The following TNFAIP1 variants were observed in gnomAD, a reference collection of about 807,000 sequenced individuals.
TNFAIP1 encodes BTB/POZ domain-containing adapter for CUL3-mediated RhoA degradation protein 2.
TNFAIP1 carries 20 observed loss-of-function variants against 32.6 expected under a neutral mutation model. The ratio of observed to expected loss-of-function variants is 0.61; its 90% CI spans 0.43 to 0.89. The LOEUF is 0.89. Ranked by LOEUF, TNFAIP1 falls within the 40% of genes least tolerant of loss-of-function variation. TNFAIP1 has a pLI of 0.00. For missense variants in TNFAIP1, 319 were observed against 425.1 expected, an observed-to-expected ratio of 0.75 and a Z score of 2.20; for synonymous variants, 166 against 166.8, an observed-to-expected ratio of 1.00 and a Z score of 0.04.
intron 2 of TNFAIP1, among the ~76,000 whole-genome samples, 198 bp downstream of exon 2, chr17:28,339,924 T>C (rs766533749): frequency 1.3e-5 from 2 of 152,232 alleles, no homozygotes; most frequent in Non-Finnish European, 2.9e-5. Flanking sequence ...AGAAGAGCCA[T>C]ACTTTTAAAA....
At position 28,340,240 on chromosome 17, in the gene TNFAIP1, A is replaced by G; in HGVS notation, c.206-69A>G. On this transcript the variant is annotated intron_variant, in intron 2 of 6. Coordinates refer to ENST00000226225, the MANE Select transcript of TNFAIP1 (RefSeq NM_021137.5). The surrounding 1 kb of genome is among the most constrained non-coding windows in gnomAD (Gnocchi z 4.1). ...CCCTGCCACCTGCCGCCAGCTTGTC[A>G]GGTGGCCTTTGCCTGCCTCGGAGGT... 6.5e-7 allele frequency: 1 copy of G among 1,546,686 alleles called. No homozygotes were observed. The highest frequency in any genetic ancestry group is 8.9e-7 in the Non-Finnish European group (1 of 1,129,124).
intron 1 of TNFAIP1, among the ~76,000 whole-genome samples, chr17:28,337,692 C>T (rs559920557): frequency 2.0e-5 from 3 of 152,306 alleles, no homozygotes; most frequent in South Asian, 2.1e-4. Context: ...CTAACAGGAA[C>T]TTTGCACTTA....
At chr17:28,338,873 C>G (rs1397154427) in intron 1 of TNFAIP1, among the ~76,000 whole-genome samples, 1 of 151,882 alleles carries the variant, frequency 6.6e-6, no homozygotes, top group Non-Finnish European at 1.5e-5. Flanking sequence ...CTCAGGGAGG[C>G]TGATGAGGTG....
chr17:28,336,889 A>G (rs2142380362), intron 1 of TNFAIP1, among the ~76,000 whole-genome samples: 1 of 152,364 alleles, frequency 6.6e-6, no homozygotes, highest in East Asian at 1.9e-4. Flanking sequence ...ATTTCAGTCT[A>G]ACAAACTGAC....
chr17:28,337,607 A>T (rs147915207), intron 1 of TNFAIP1, among the ~76,000 whole-genome samples: 1 of 152,070 alleles, frequency 6.6e-6, no homozygotes, highest in Non-Finnish European at 1.5e-5. Flanking sequence ...GGCTCAAGCA[A>T]TCCACCCACT....
intron 1 of TNFAIP1, among the ~76,000 whole-genome samples, chr17:28,338,552 C>T (rs1907250709): frequency 6.6e-6 from 1 of 151,876 alleles, no homozygotes. Context: ...TGCATTCTCT[C>T]CTGAAGCTGC....
At position 28,339,405 on chromosome 17, in the gene TNFAIP1, C is replaced by T. The variant is rs1907281278; in HGVS notation, c.-114-3C>T. ...TGTCTTCTCTTCCCTCTCCCATGTACAGCACTGAGATTATGAGGCTCTGGC... is the reference window on the plus strand; with the variant it reads ...TGTCTTCTCTTCCCTCTCCCATGTATAGCACTGAGATTATGAGGCTCTGGC... On this transcript the variant is annotated splice_polypyrimidine_tract_variant and splice_region_variant and intron_variant, in intron 1 of 6. Coordinates refer to ENST00000226225, the MANE Select transcript of TNFAIP1 (RefSeq NM_021137.5). The T allele has an allele frequency of 3.9e-6, 4 of 1,014,888 alleles. No homozygotes were observed. Among genetic ancestry groups the T allele is most frequent in the South Asian group, 1.8e-5 (1 of 57,086 alleles). The allele number at this position is 1,014,888 out of a possible 1,614,324, so 62.9% of individuals were successfully genotyped here.
intron 1 of TNFAIP1, 81 bp from the exon 2 acceptor site, chr17:28,339,327 A>G: frequency 2.2e-6 from 1 of 464,812 alleles, no homozygotes; most frequent in Non-Finnish European, 3.7e-6. Context: ...GGAGAGAATG[A>G]GTACGGTCGT....
Position 28,339,484 on chromosome 17 carries a change from C to T in TNFAIP1, c.-38C>T. 6.5e-7 allele frequency: 1 copy of T among 1,549,072 alleles called. No individual in the cohort carries two copies. The highest frequency in any genetic ancestry group is 8.7e-7 in the Non-Finnish European group (1 of 1,148,218). Reference sequence around the variant, plus strand: ...TCCACCACGGCGGAGCCTTCCAAGCCTACCTCCTGCCGTGTGGTGATCTAC... The same window carrying T: ...TCCACCACGGCGGAGCCTTCCAAGCTTACCTCCTGCCGTGTGGTGATCTAC... On this transcript the variant is annotated 5_prime_UTR_variant, in exon 2 of 7. Transcript: ENST00000226225.
At position 28,342,123 on chromosome 17, in the gene TNFAIP1, A is replaced by C; in HGVS notation, c.519-124A>C. 1 of 863,190 alleles carries C rather than the reference A, an allele frequency of 1.2e-6. No individual in the cohort carries two copies. The highest frequency in any genetic ancestry group is 2.8e-5 in the Admixed American group (1 of 36,018). The allele number at this position is 863,190 out of a possible 1,614,324, so 53.5% of individuals were successfully genotyped here. The stretch of plus-strand genomic sequence containing the variant: ...ATCCTTTCTCTCCTGGCCCCCTGGC[A>C]TCTTGCTTTCATTTCGGCAGGACAG... On this transcript the variant is annotated intron_variant, in intron 5 of 6. Transcript: ENST00000226225. This position sits in a 1 kb window ranked among gnomAD's most constrained non-coding sequence, Gnocchi z 4.0.
chr17:28,339,727 G>A lies in TNFAIP1; in HGVS notation c.205+1G>A. On this transcript the variant is annotated splice_donor_variant, in intron 2 of 6. Coordinates refer to ENST00000226225, the MANE Select transcript of TNFAIP1 (RefSeq NM_021137.5). LOFTEE classifies it high-confidence loss of function. ...ATGGAGGTGCTGACCGACAAAGAAG[G>A]TGAGGCACTGGGGCTGCCGCTCGGG... The A allele has an allele frequency of 6.2e-7, 1 of 1,613,336 alleles. No homozygotes were observed. Among genetic ancestry groups the A allele is most frequent in the Non-Finnish European group, 8.5e-7 (1 of 1,179,744 alleles).
chr17:28,341,105 G>C (rs1597794289), intron 3 of TNFAIP1, 132 bp from the exon 4 acceptor site: 1 of 899,924 alleles, frequency 1.1e-6, no homozygotes, highest in East Asian at 2.5e-5. Context: ...ATTGTCAGGG[G>C]CCTCATGATC....
chr17:28,344,622 GC>G lies in TNFAIP1; in HGVS notation c.*23del. 1 of 1,606,692 alleles carries G rather than the reference GC, an allele frequency of 6.2e-7. No individual in the cohort carries two copies. Among genetic ancestry groups the G allele is most frequent in the South Asian group, 1.1e-5 (1 of 91,028 alleles). ...CTGACCAGACCCTCAGGGAGTCAGGGCACGGGAGGCCCTATCTCCCATCCTG... is the reference window on the plus strand; with the variant it reads ...CTGACCAGACCCTCAGGGAGTCAGGGACGGGAGGCCCTATCTCCCATCCTG... On this transcript the variant is annotated 3_prime_UTR_variant, in exon 7 of 7. Transcript: ENST00000226225.
In TNFAIP1 at chr17:28,345,971, GT is replaced by G. The variant is rs1907540680; in HGVS notation, c.*1373del. On this transcript the variant is annotated 3_prime_UTR_variant, in exon 7 of 7. Transcript: ENST00000226225. ...AAAGGAATGCTGTCAGGGAGGGACT[GT>G]TCTGCCAGCCTAACAAAGCAACGTA... 6.6e-6 allele frequency: 1 copy of G among 152,352 alleles called. No homozygotes were observed. The highest frequency in any genetic ancestry group is 6.5e-5 in the Admixed American group (1 of 15,300). The allele number at this position is 152,352 out of a possible 1,614,324, so 9.4% of individuals were successfully genotyped here. A position where few individuals can be genotyped will look rare whatever the true frequency, so the allele number is the denominator to read the frequency against.
At position 28,346,142 on chromosome 17, in the gene TNFAIP1, C is replaced by CA. The variant is rs1555578912; in HGVS notation, c.*1543dup. 6.6e-6 allele frequency: 1 copy of CA among 152,266 alleles called. No individual in the cohort carries two copies. The highest frequency in any genetic ancestry group is 2.4e-5 in the African/African-American group (1 of 41,464). 9.4% of individuals were successfully genotyped at this position (152,266 alleles called of 1,614,324 possible). A position where few individuals can be genotyped will look rare whatever the true frequency, so the allele number is the denominator to read the frequency against. On this transcript the variant is annotated 3_prime_UTR_variant, in exon 7 of 7. Transcript: ENST00000226225. The stretch of plus-strand genomic sequence containing the variant: ...GGTTAGACACAAGGACCTGAAGTGA[C>CA]ATGACGGCGGGACAGGGGAAATGTG...
intron 6 of TNFAIP1, among the ~76,000 whole-genome samples, chr17:28,343,174 C>A (rs1046425229): frequency 6.6e-6 from 1 of 152,126 alleles, no homozygotes; most frequent in Non-Finnish European, 1.5e-5. Flanking sequence ...AAAATAAAAT[C>A]TCCTTACTGG....
intron 1 of TNFAIP1, among the ~76,000 whole-genome samples, chr17:28,336,977 A>G (rs1907193858): frequency 6.6e-6 from 1 of 152,350 alleles, no homozygotes; most frequent in South Asian, 2.1e-4. Context: ...TTGGGAAACC[A>G]GTGCCCTGCT....
At position 28,340,454 on chromosome 17, in the gene TNFAIP1, G is replaced by A; in HGVS notation, c.351G>A (p.Val117=). The A allele has an allele frequency of 6.2e-7, 1 of 1,611,790 alleles. No individual in the cohort carries two copies. Among genetic ancestry groups the A allele is most frequent in the Non-Finnish European group, 8.5e-7 (1 of 1,178,550 alleles). The change falls in exon 3 of 7, where the codon GTG becomes GTA. Residue 117 remains valine, a synonymous_variant. Transcript: ENST00000226225. The surrounding 1 kb of genome is among the most constrained non-coding windows in gnomAD (Gnocchi z 4.1). Reference sequence around the variant, plus strand: ...AGTATTACCTCATCCAGGGGCTGGTGAATATGTGCCAGAGTGCCCTGCAGG... The same window carrying A: ...AGTATTACCTCATCCAGGGGCTGGTAAATATGTGCCAGAGTGCCCTGCAGG... ...EAKYYLIQGL[V]NMCQSALQDK...
In TNFAIP1 at chr17:28,346,718, T is replaced by C. The variant is rs1192934393; in HGVS notation, c.*2118T>C. On this transcript the variant is annotated 3_prime_UTR_variant, in exon 7 of 7. Transcript: ENST00000226225. ...TTTCCAGCCCTATTCAGAAAGCAAC[T>C]CTTGGCTGTGTGCATTTTTCAACTC... is the stretch of plus-strand genomic sequence containing the variant. 1 of 152,210 alleles carries C rather than the reference T, an allele frequency of 6.6e-6. No homozygotes were observed. Among genetic ancestry groups the C allele is most frequent in the African/African-American group, 2.4e-5 (1 of 41,450 alleles). The allele number at this position is 152,210 out of a possible 1,614,324, so 9.4% of individuals were successfully genotyped here.
Sources: gnomAD v4.1 joint callset for allele counts (sites outside exome capture counted in the v4.1 genomes callset) on GRCh38, gnomAD v4.1.1 for gene constraint, Gnocchi (gnomAD v3.1) non-coding constraint, MANE v1.5 for transcripts, NCBI Gene and HGNC (gene_info 2026-07-23, HGNC 2026-07-21) for gene names.